FAT3: variants seen among roughly 807,000 people sequenced by gnomAD.
The protein encoded by FAT3 is protocadherin Fat 3.
Under a neutral mutation model 310.2 loss-of-function variants are expected in FAT3, and 95 were observed. The observed-to-expected ratio is 0.31, with a 90% CI of 0.26 to 0.36. The LOEUF is 0.36. Among genes scored for constraint, FAT3 ranks in the 10% least tolerant of loss-of-function variants. The pLI, the probability that FAT3 is intolerant of heterozygous loss-of-function variation, is 1.00. For missense variants in FAT3, 5,408 were observed against 5,715.6 expected (o/e 0.95, Z 1.74); for synonymous variants, 2,314 against 2,192.9 (o/e 1.06, Z -1.54).
At chr11:92,364,831 C>T (rs1043781281) in intron 2 of FAT3, among the ~76,000 whole-genome samples, 4 of 152,128 alleles carry the variant, frequency 2.6e-5, no homozygotes, top group African/African-American at 9.7e-5. Context: ...ATTAAATTCA[C>T]AGATTTTCAT....
In FAT3 at chr11:92,507,674, A is replaced by G. The variant is rs181079597; in HGVS notation, c.3293-16960A>G. Among the ~76,000 whole-genome samples, 611 of 140,292 alleles carry G rather than the reference A, an allele frequency of 4.4e-3. 4 individuals are homozygous for G. The highest frequency in any genetic ancestry group is 0.019 in the African/African-American group (587 of 30,576). 92.0% of individuals were successfully genotyped at this position (140,292 alleles called of 152,430 possible). A position where few individuals can be genotyped will look rare whatever the true frequency, so the allele number is the denominator to read the frequency against. On this transcript the variant is annotated intron_variant, in intron 2 of 27. Coordinates refer to ENST00000525166, the MANE Select transcript of FAT3 (RefSeq NM_001367949.2). ...TACATATATACACATATATGTACAC[A>G]TATGCACACATGTGTACATATACAT...
rs569667200 is a variant in FAT3 at position 92,484,937 on chromosome 11, A to G, written c.3293-39697A>G. Among the ~76,000 whole-genome samples the G allele has an allele frequency of 2.4e-4, 36 of 152,356 alleles. No individual in the cohort carries two copies. In the South Asian group the frequency reaches 7.2e-3, roughly 31 times the overall value. On this transcript the variant is annotated intron_variant, in intron 2 of 27. Coordinates refer to ENST00000525166, the MANE Select transcript of FAT3 (RefSeq NM_001367949.2). ...GGGCGATGTCTTTGGAAATGTGTGC[A>G]TTCTCAGAGTGTGTGAATGTATGTG...
chr11:92,541,368 A>G (rs746059757), intron 3 of FAT3, among the ~76,000 whole-genome samples: 34 of 152,196 alleles, frequency 2.2e-4, no homozygotes, highest in Non-Finnish European at 4.1e-4. Flanking sequence ...AAAGATTCTT[A>G]TACCTTTCTG....
At chr11:92,644,111 G>C (rs940116629) in intron 3 of FAT3, among the ~76,000 whole-genome samples, 2 of 152,196 alleles carry the variant, frequency 1.3e-5, no homozygotes, top group Admixed American at 6.5e-5. Flanking sequence ...TCCAGGGCCG[G>C]GGGCCAAGGT....
At chr11:92,518,349 T>C (rs1449368936) in intron 2 of FAT3, among the ~76,000 whole-genome samples, 1 of 152,080 alleles carries the variant, frequency 6.6e-6, no homozygotes, top group African/African-American at 2.4e-5. Flanking sequence ...AAGGATGAGT[T>C]CCTGTCTTTT....
chr11:92,452,737 G>C (rs1428848939), intron 2 of FAT3, among the ~76,000 whole-genome samples: 1 of 152,086 alleles, frequency 6.6e-6, no homozygotes, highest in African/African-American at 2.4e-5. Flanking sequence ...ATCTGTGACA[G>C]TGATCCTAAT....
intron 2 of FAT3, among the ~76,000 whole-genome samples, chr11:92,521,148 TGTGTGTGCG>T (rs1953667862): frequency 6.6e-6 from 1 of 152,134 alleles, no homozygotes; most frequent in East Asian, 1.9e-4. Flanking sequence ...TTGGTGTGTG[TGTGTGTGCG>T]TGCACACACA....
chr11:92,862,191 C>T (rs368648931), intron 21 of FAT3, among the ~76,000 whole-genome samples: 3 of 152,188 alleles, frequency 2.0e-5, no homozygotes, highest in South Asian at 2.1e-4. Context: ...AAGTCTAGAC[C>T]GAGGTGAACT....
intron 2 of FAT3, among the ~76,000 whole-genome samples, chr11:92,455,818 C>T (rs114399482): frequency 1.3e-5 from 2 of 152,240 alleles, no homozygotes; most frequent in African/African-American, 2.4e-5. Context: ...GCCCAATAAA[C>T]ACACAATAAA....
At position 92,499,095 on chromosome 11, in the gene FAT3, C is replaced by A. The variant is rs1020153536; in HGVS notation, c.3293-25539C>A. The stretch of plus-strand genomic sequence containing the variant: ...TCATTTAGCAAGCATTTATTGAAGA[C>A]CTACTCTGCACCCTACCTTGTGCTG... On this transcript the variant is annotated intron_variant, in intron 2 of 27. Coordinates refer to ENST00000525166, the MANE Select transcript of FAT3 (RefSeq NM_001367949.2). 2.6e-5 allele frequency among the ~76,000 whole-genome samples: 4 copies of A among 152,090 alleles called. No homozygotes were observed. In the East Asian group the frequency reaches 7.8e-4, roughly 29 times the overall value.
Position 92,653,303 on chromosome 11 carries a change from G to T in FAT3, c.3608-44081G>T, listed in dbSNP as rs552802136. Among the ~76,000 whole-genome samples the T allele has an allele frequency of 1.2e-4, 19 of 152,252 alleles. 1 individual carries two copies. The South Asian group carries it at 4.0e-3, about 32-fold the overall frequency. On this transcript the variant is annotated intron_variant, in intron 3 of 27. Transcript: ENST00000525166. ...CCATAAGACCTATTTGAATGCCCGAGCCAGAATTCGTGGAACCTACTTCTG... is the reference window on the plus strand; with the variant it reads ...CCATAAGACCTATTTGAATGCCCGATCCAGAATTCGTGGAACCTACTTCTG...
intron 18 of FAT3, among the ~76,000 whole-genome samples, chr11:92,841,182 G>A (rs920204917): frequency 6.6e-6 from 1 of 152,086 alleles, no homozygotes; most frequent in Non-Finnish European, 1.5e-5. Context: ...GACTCAGCTG[G>A]CAGTGGCCCC....
chr11:92,295,228 G>C (rs1334101501), intron 1 of FAT3, among the ~76,000 whole-genome samples: 2 of 152,140 alleles, frequency 1.3e-5, no homozygotes, highest in Non-Finnish European at 2.9e-5. Context: ...ACCCTGGAAT[G>C]CATGTAGGTT....
At chr11:92,332,952 T>A (rs2134544559) in intron 1 of FAT3, among the ~76,000 whole-genome samples, 1 of 152,330 alleles carries the variant, frequency 6.6e-6, no homozygotes, top group Admixed American at 6.5e-5. Context: ...CTCTGCTAGG[T>A]ATTTCATAAA....
chr11:92,257,526 G>T (rs894802407), intron 1 of FAT3, among the ~76,000 whole-genome samples: 4 of 151,968 alleles, frequency 2.6e-5, no homozygotes, highest in African/African-American at 9.7e-5. Context: ...GGAAAAAATT[G>T]CCTAAAAAAA....
chr11:92,624,540 C>A (rs892260604), intron 3 of FAT3, among the ~76,000 whole-genome samples: 1 of 152,062 alleles, frequency 6.6e-6, no homozygotes, highest in Admixed American at 6.5e-5. Flanking sequence ...TGGCAGGTGG[C>A]GAAATTCAAG....
rs965609584 is a variant in FAT3 at position 92,253,353 on chromosome 11, G to A, written c.-18+28179G>A. The stretch of plus-strand genomic sequence containing the variant: ...CCCAACCTTCCACTCTTCCATCTCT[G>A]GGATGCCTTCTGCTCCCCTTGCTCT... On this transcript the variant is annotated intron_variant, in intron 1 of 27. Coordinates refer to ENST00000525166, the MANE Select transcript of FAT3 (RefSeq NM_001367949.2). 1.3e-4 allele frequency among the ~76,000 whole-genome samples: 20 copies of A among 152,136 alleles called. No individual in the cohort carries two copies. The South Asian group carries it at 2.7e-3, about 21-fold the overall frequency.
At position 92,308,252 on chromosome 11, in the gene FAT3, G is replaced by C. The variant is rs1486281210; in HGVS notation, c.-17-43844G>C. ...TTGATTATCTGTGTTTTCAGAGTAAGCAGAGAACAGAATGTAGAAGTTGTT... is the reference window on the plus strand; with the variant it reads ...TTGATTATCTGTGTTTTCAGAGTAACCAGAGAACAGAATGTAGAAGTTGTT... On this transcript the variant is annotated intron_variant, in intron 1 of 27. Transcript: ENST00000525166. Among the ~76,000 whole-genome samples, 5 of 152,284 alleles carry C rather than the reference G, an allele frequency of 3.3e-5. No individual in the cohort carries two copies. The East Asian group carries it at 9.7e-4, about 29-fold the overall frequency.
At chr11:92,773,948 T>A (rs1052978299) in intron 6 of FAT3, 93 bp from the exon 7 acceptor site, 26 of 1,451,668 alleles carry the variant, frequency 1.8e-5, no homozygotes, top group Admixed American at 1.2e-4. Context: ...TCAAAAAAAA[T>A]TTCTGTATAA....
Sources: allele counts gnomAD v4.1 joint callset (sites outside exome capture counted in the v4.1 genomes callset), GRCh38; gene constraint gnomAD v4.1.1; transcripts MANE v1.5; gene names NCBI Gene and HGNC (gene_info 2026-07-23, HGNC 2026-07-21).